TXNRD1: variants seen among roughly 807,000 people sequenced by gnomAD.
The protein encoded by TXNRD1 is thioredoxin reductase 1, also known as thioredoxin reductase 1, cytoplasmic.
TXNRD1 carries 57 observed loss-of-function variants against 80.3 expected under a neutral mutation model. That is an observed-to-expected ratio of 0.71 (90% CI 0.57 to 0.89). The LOEUF (loss-of-function observed/expected upper bound fraction) is 0.89, where lower values mean the gene tolerates loss of function less well. Among genes scored for constraint, TXNRD1 ranks in the 40% least tolerant of loss-of-function variants. The pLI is 0.00. For missense variants in TXNRD1, 730 were observed against 803.0 expected, an observed-to-expected ratio of 0.91 and a Z score of 1.10; for synonymous variants, 291 against 285.2, an observed-to-expected ratio of 1.02 and a Z score of -0.20.
chr12:104,269,994 C>T (rs1455906233), intron 3 of TXNRD1, among the ~76,000 whole-genome samples: 3 of 152,146 alleles, frequency 2.0e-5, no homozygotes, highest in Non-Finnish European at 4.4e-5. Context: ...TATAGATGTG[C>T]ACCACCATGC....
intron 3 of TXNRD1, among the ~76,000 whole-genome samples, chr12:104,262,781 T>TC (rs1378033949): frequency 6.6e-6 from 1 of 151,390 alleles, no homozygotes; most frequent in African/African-American, 2.4e-5. Flanking sequence ...TGTTTGTGTT[T>TC]TTTTTTTCTT....
At chr12:104,328,442 A>G (rs952419894) in intron 13 of TXNRD1, among the ~76,000 whole-genome samples, 1 of 151,962 alleles carries the variant, frequency 6.6e-6, no homozygotes. Context: ...TTCAGGCCTT[A>G]TTACCCAGTC....
chr12:104,336,754 A>G (rs2036152934), intron 15 of TXNRD1, among the ~76,000 whole-genome samples: 1 of 152,206 alleles, frequency 6.6e-6, no homozygotes, highest in Admixed American at 6.5e-5. Context: ...ATAGAGCTCT[A>G]CAGGTATTAA....
chr12:104,245,504 C>G (rs4246265), intron 1 of TXNRD1, among the ~76,000 whole-genome samples: 1 of 112,124 alleles, frequency 8.9e-6, no homozygotes, highest in Non-Finnish European at 1.7e-5. Flanking sequence ...GCAACAAGAG[C>G]GAAACTCCAT....
At chr12:104,321,566 T>C (rs1009126557) in intron 10 of TXNRD1, among the ~76,000 whole-genome samples, 10 of 152,368 alleles carry the variant, frequency 6.6e-5, no homozygotes, top group African/African-American at 1.9e-4. Context: ...TCTTCTCTTC[T>C]GTTTAATGCT....
chr12:104,301,374 G>A (rs976568456), intron 4 of TXNRD1, among the ~76,000 whole-genome samples: 1 of 152,096 alleles, frequency 6.6e-6, no homozygotes, highest in East Asian at 1.9e-4. Flanking sequence ...GTCTCGCTCT[G>A]TCGCCCAGGC....
intron 12 of TXNRD1, among the ~76,000 whole-genome samples, chr12:104,327,073 A>T (rs2035792049): frequency 6.6e-6 from 1 of 152,008 alleles, no homozygotes; most frequent in African/African-American, 2.4e-5. Context: ...AAGTGTTGGG[A>T]TTACAGGTGT....
chr12:104,216,144 G>A (rs926783962), intron 1 of TXNRD1, among the ~76,000 whole-genome samples: 1 of 152,242 alleles, frequency 6.6e-6, no homozygotes, highest in African/African-American at 2.4e-5. Context: ...AGGAGGAGCG[G>A]GCCCGCCGCG....
At chr12:104,268,917 CTT>C (rs34134230) in intron 3 of TXNRD1, among the ~76,000 whole-genome samples, 20 of 127,768 alleles carry the variant, frequency 1.6e-4, no homozygotes, top group Middle Eastern at 4.4e-3. Flanking sequence ...GTTGTCATTT[CTT>C]TTTTTTTTTT....
At chr12:104,288,701 AG>A (rs1187895690) in intron 3 of TXNRD1, 9 of 1,376,748 alleles carry the variant, frequency 6.5e-6, no homozygotes, top group Middle Eastern at 2.1e-4. Flanking sequence ...GCTAGCCTTG[AG>A]GCCATGTTTT....
intron 3 of TXNRD1, among the ~76,000 whole-genome samples, chr12:104,264,980 G>A (rs912872696): frequency 2.0e-5 from 3 of 152,172 alleles, no homozygotes; most frequent in African/African-American, 7.2e-5. Flanking sequence ...TGGGCCAGGT[G>A]CAGTGGCTCC....
chr12:104,326,150 A>G (rs370828912), intron 11 of TXNRD1, among the ~76,000 whole-genome samples, 197 bp from the exon 12 acceptor site: 12 of 152,314 alleles, frequency 7.9e-5, no homozygotes, highest in African/African-American at 2.6e-4. Context: ...AATTTCTACT[A>G]TATCATATAT....
intron 3 of TXNRD1, among the ~76,000 whole-genome samples, chr12:104,272,270 T>C (rs2033667041): frequency 6.6e-6 from 1 of 152,142 alleles, no homozygotes; most frequent in Non-Finnish European, 1.5e-5. Flanking sequence ...GTCTTTCCCC[T>C]ATTGGCTAAG....
chr12:104,278,920 CTAAG>C (rs2033820812), intron 3 of TXNRD1, among the ~76,000 whole-genome samples: 1 of 152,094 alleles, frequency 6.6e-6, no homozygotes, highest in Non-Finnish European at 1.5e-5. Flanking sequence ...TACAAATTAA[CTAAG>C]TAATATCTGC....
chr12:104,224,799 C>T (rs11833441), intron 1 of TXNRD1: 7,515 of 456,104 alleles, frequency 0.016, 250 homozygotes, highest in South Asian at 0.071. Flanking sequence ...TTCTCCCCCA[C>T]TGTTTGATCA....
chr12:104,329,784 C>T lies in TXNRD1; in HGVS notation c.1543-1750C>T, dbSNP rs557352303. Among the ~76,000 whole-genome samples, 12 of 152,278 alleles carry T rather than the reference C, an allele frequency of 7.9e-5. No individual in the cohort carries two copies. In the South Asian group the frequency reaches 1.5e-3, roughly 18 times the overall value. On this transcript the variant is annotated intron_variant, in intron 13 of 16. Coordinates refer to ENST00000525566, the MANE Select transcript of TXNRD1 (RefSeq NM_001093771.3). ...CTCTCTTTATGCGTGCAATTCCATC[C>T]TTTCTGGTTTTCTGCCTTGCAACTT... is the stretch of plus-strand genomic sequence containing the variant.
At chr12:104,325,564 A>G (rs1302749039) in intron 11 of TXNRD1, 135 bp downstream of exon 11, 2 of 670,394 alleles carry the variant, frequency 3.0e-6, no homozygotes, top group African/African-American at 3.6e-5. Context: ...ACATCTCAAT[A>G]ACTTATGATA....
intron 9 of TXNRD1, among the ~76,000 whole-genome samples, chr12:104,320,652 T>C (rs988312462): frequency 3.6e-4 from 55 of 152,134 alleles, no homozygotes; most frequent in Non-Finnish European, 7.1e-4. Context: ...GAAAGTTTTT[T>C]TTTTTTTCTG....
intron 1 of TXNRD1, among the ~76,000 whole-genome samples, chr12:104,245,626 G>A (rs1284720390): frequency 2.8e-5 from 4 of 141,838 alleles, no homozygotes; most frequent in Non-Finnish European, 6.0e-5. Flanking sequence ...TGCAGCCTGG[G>A]TGTTGGAGCA....
Sources: allele counts gnomAD v4.1 joint callset (sites outside exome capture counted in the v4.1 genomes callset), GRCh38; gene constraint gnomAD v4.1.1; transcripts MANE v1.5; gene names NCBI Gene and HGNC (gene_info 2026-07-23, HGNC 2026-07-21).